The following MGAT1 variants were observed in gnomAD, a reference collection of about 807,000 sequenced individuals.
MGAT1 encodes the protein N-glycosyl-oligosaccharide-glycoprotein N-acetylglucosaminyltransferase I.
A neutral mutation model predicts 31.7 loss-of-function variants in MGAT1; 14 were observed. The ratio of observed to expected loss-of-function variants is 0.44; its 90% CI spans 0.29 to 0.69. The LOEUF is 0.69. MGAT1 is among the 30% of genes least tolerant of loss of function. MGAT1 has a pLI of 0.12. For missense variants in MGAT1, 557 were observed against 626.0 expected (o/e 0.89, Z 1.18); for synonymous variants, 338 against 276.0 (o/e 1.22, Z -2.23).
At chr5:180,798,536 C>G (rs546990424) in intron 1 of MGAT1, among the ~76,000 whole-genome samples, 2 of 152,324 alleles carry the variant, frequency 1.3e-5, no homozygotes, top group South Asian at 4.1e-4. Context: ...CCAGCACTGC[C>G]AAGCCGCTGT....
rs764451790 is a variant in MGAT1 at position 180,791,616 on chromosome 5, A to C, written c.*18T>G. The stretch of plus-strand genomic sequence containing the variant: ...CTCATGATGTGGCAAGGAGGGGCCC[A>C]GGAAGGACAGGCAGGTGCTAATTCC... On this transcript the variant is annotated 3_prime_UTR_variant, in exon 2 of 2. Coordinates refer to ENST00000307826, the MANE Select transcript of MGAT1 (RefSeq NM_002406.4). The C allele has an allele frequency of 1.9e-6, 3 of 1,609,564 alleles. No homozygotes were observed. In the South Asian group the frequency reaches 3.3e-5, roughly 18 times the overall value.
chr5:180,813,739 C>T (rs1222330072), intron 1 of MGAT1, among the ~76,000 whole-genome samples: 4 of 152,218 alleles, frequency 2.6e-5, no homozygotes, highest in Non-Finnish European at 5.9e-5. Context: ...GTGGACCCCT[C>T]TTTCCTATGG....
At chr5:180,798,307 C>T (rs543256728) in intron 1 of MGAT1, among the ~76,000 whole-genome samples, 2 of 152,318 alleles carry the variant, frequency 1.3e-5, no homozygotes, top group East Asian at 1.9e-4. Context: ...CCAAGCCTAC[C>T]GTCGGGGTCT....
At chr5:180,810,598 GC>G (rs1201196702) in intron 1 of MGAT1, 1 of 152,362 alleles carries the variant, frequency 6.6e-6, no homozygotes, top group African/African-American at 2.4e-5. Flanking sequence ...GTGCGGTGCA[GC>G]CCTGCCCTCT....
intron 1 of MGAT1, among the ~76,000 whole-genome samples, chr5:180,812,621 A>T (rs976416811): frequency 6.6e-6 from 1 of 152,172 alleles, no homozygotes; most frequent in African/African-American, 2.4e-5. Context: ...GTCCAAAGAC[A>T]GATATTCCTG....
chr5:180,813,208 T>C (rs1772681728), intron 1 of MGAT1, among the ~76,000 whole-genome samples: 1 of 152,220 alleles, frequency 6.6e-6, no homozygotes, highest in South Asian at 2.1e-4. Context: ...CACCAACTTT[T>C]CTCCACACCC....
intron 1 of MGAT1, among the ~76,000 whole-genome samples, chr5:180,811,823 C>G (rs11951457): frequency 0.079 from 12,108 of 152,322 alleles, 579 homozygotes; most frequent in South Asian, 0.18. Flanking sequence ...GCCTAGCTGT[C>G]TGACCTGCTC....
At chr5:180,797,843 T>TTCCTCACA (rs11282898) in intron 1 of MGAT1, among the ~76,000 whole-genome samples, 1 of 130,662 alleles carries the variant, frequency 7.7e-6, no homozygotes. Context: ...GCCCACCTCC[T>TTCCTCACA]TAGGCTCAGC....
Position 180,791,417 on chromosome 5 carries a change from C to T in MGAT1, c.*217G>A, listed in dbSNP as rs899271642. The T allele has an allele frequency of 7.9e-5, 51 of 647,672 alleles. No individual in the cohort carries two copies. Among genetic ancestry groups the T allele is most frequent in the Middle Eastern group, 4.2e-4 (1 of 2,364 alleles). 40.1% of individuals were successfully genotyped at this position (647,672 alleles called of 1,614,324 possible). A position where few individuals can be genotyped will look rare whatever the true frequency, so the allele number is the denominator to read the frequency against. On this transcript the variant is annotated 3_prime_UTR_variant, in exon 2 of 2. Coordinates refer to ENST00000307826, the MANE Select transcript of MGAT1 (RefSeq NM_002406.4). The stretch of plus-strand genomic sequence containing the variant: ...CACAGTGGTTTCCTGCTTAATACCC[C>T]GCAACATACCCTAGAATAGTTCCCC...
chr5:180,800,294 T>C (rs1217511446), intron 1 of MGAT1, among the ~76,000 whole-genome samples: 1 of 152,232 alleles, frequency 6.6e-6, no homozygotes, highest in African/African-American at 2.4e-5. Flanking sequence ...CATAATAAAT[T>C]ACCTCGATAT....
At position 180,788,637 on chromosome 5, in the gene MGAT1, G is replaced by A. The variant is rs187268947; in HGVS notation, c.*2997C>T. On this transcript the variant is annotated 3_prime_UTR_variant, in exon 2 of 2. Transcript: ENST00000307826. ...CGCCTAGGCTTGCTCTGAGGATCAAGTAAGTTGGTACTTATCCTGGAGCAC... is the reference window on the plus strand; with the variant it reads ...CGCCTAGGCTTGCTCTGAGGATCAAATAAGTTGGTACTTATCCTGGAGCAC... 1.3e-5 allele frequency: 2 copies of A among 152,348 alleles called. No individual in the cohort carries two copies. Among genetic ancestry groups the A allele is most frequent in the South Asian group, 2.1e-4 (1 of 4,824 alleles). 9.4% of individuals were successfully genotyped at this position (152,348 alleles called of 1,614,324 possible). A position where few individuals can be genotyped will look rare whatever the true frequency, so the allele number is the denominator to read the frequency against.
chr5:180,812,449 G>T (rs778041193), intron 1 of MGAT1, among the ~76,000 whole-genome samples: 4 of 152,072 alleles, frequency 2.6e-5, no homozygotes, highest in Middle Eastern at 3.2e-3. Flanking sequence ...AAGTCATACA[G>T]AGTTGTGTAA....
At chr5:180,797,026 T>C (rs1465720085) in intron 1 of MGAT1, among the ~76,000 whole-genome samples, 1 of 152,146 alleles carries the variant, frequency 6.6e-6, no homozygotes, top group Non-Finnish European at 1.5e-5. Flanking sequence ...TAAATGACTG[T>C]GCAAGAAAAA....
At chr5:180,813,359 A>G (rs980491557) in intron 1 of MGAT1, among the ~76,000 whole-genome samples, 2 of 152,202 alleles carry the variant, frequency 1.3e-5, no homozygotes, top group African/African-American at 2.4e-5. Flanking sequence ...TGCCTACAGC[A>G]TATCTTTTGC....
chr5:180,803,843 C>T (rs150174404), upstream of MGAT1: 716 of 152,600 alleles, frequency 4.7e-3, 6 homozygotes, highest in Middle Eastern at 0.034. Flanking sequence ...GGGTGGGTAG[C>T]CGAGGACTAC....
chr5:180,802,057 T>C (rs2113466225), intron 1 of MGAT1, among the ~76,000 whole-genome samples: 1 of 152,256 alleles, frequency 6.6e-6, no homozygotes, highest in East Asian at 1.9e-4. Flanking sequence ...AGTGATGTTC[T>C]AAAACAAAAC....
chr5:180,796,804 C>T (rs1324897110), intron 1 of MGAT1, among the ~76,000 whole-genome samples: 1 of 151,952 alleles, frequency 6.6e-6, no homozygotes, highest in Non-Finnish European at 1.5e-5. Flanking sequence ...TAGAGACGGG[C>T]TTTCACCATG....
rs1013245729 is a variant in MGAT1, at chr5:180,791,350, C to T, written c.*284G>A. On this transcript the variant is annotated 3_prime_UTR_variant, in exon 2 of 2. Coordinates refer to ENST00000307826, the MANE Select transcript of MGAT1 (RefSeq NM_002406.4). The stretch of plus-strand genomic sequence containing the variant: ...ACATGCTCCAGGAGAAAGCTCAGGA[C>T]GTGGACATTTCTGGCCCCAACAAGC... 5.8e-6 allele frequency: 3 copies of T among 513,482 alleles called. No homozygotes were observed. The highest frequency in any genetic ancestry group is 3.3e-5 in the East Asian group (1 of 30,192). The allele number at this position is 513,482 out of a possible 1,614,324, so 31.8% of individuals were successfully genotyped here. A position where few individuals can be genotyped will look rare whatever the true frequency, so the allele number is the denominator to read the frequency against.
At chr5:180,801,798 G>C (rs973862769) in intron 1 of MGAT1, among the ~76,000 whole-genome samples, 1 of 152,224 alleles carries the variant, frequency 6.6e-6, no homozygotes, top group African/African-American at 2.4e-5. Flanking sequence ...GCCCCGAACA[G>C]TAATGAGTTT....
Sources: allele counts gnomAD v4.1 joint callset (sites outside exome capture counted in the v4.1 genomes callset), GRCh38; gene constraint gnomAD v4.1.1; transcripts MANE v1.5; gene names NCBI Gene and HGNC (gene_info 2026-07-23, HGNC 2026-07-21).